UNC93A: variants seen among roughly 807,000 people sequenced by gnomAD.
UNC93A encodes the protein N-acetylglucosamine transporter UNC93A.
A neutral mutation model predicts 47.5 loss-of-function variants in UNC93A; 43 were observed. The observed-to-expected ratio is 0.91, with a 90% confidence interval of 0.71 to 1.17. UNC93A has a LOEUF of 1.17. UNC93A is among the 50% of genes most tolerant of loss of function. UNC93A has a pLI of 0.00. For synonymous variants in UNC93A, 280 were observed against 258.0 expected (o/e 1.09, Z -0.82); for missense variants, 605 against 577.6 (o/e 1.05, Z -0.49).
At chr6:167,269,641 C>G (rs1259230589), upstream of UNC93A, among the ~76,000 whole-genome samples, 1 of 152,114 alleles carries the variant, frequency 6.6e-6, no homozygotes, top group Non-Finnish European at 1.5e-5. Context: ...GAGTCTTGCT[C>G]TGTCGCCCAG....
intron 1 of UNC93A, among the ~76,000 whole-genome samples, chr6:167,274,503 C>T (rs1783505845): frequency 6.6e-6 from 1 of 152,176 alleles, no homozygotes; most frequent in Non-Finnish European, 1.5e-5. Flanking sequence ...CAAATTTCTG[C>T]TTCTCACACT....
chr6:167,292,675 C>A (rs1012866959), intron 1 of UNC93A, among the ~76,000 whole-genome samples: 1 of 152,148 alleles, frequency 6.6e-6, no homozygotes, highest in Non-Finnish European at 1.5e-5. Context: ...CTTTTGGAGT[C>A]CCTGCTTTGC....
Position 167,303,938 on chromosome 6 carries a change from C to A in UNC93A, c.645C>A (p.Val215=). Residue 215 remains valine (V), a synonymous_variant, in exon 5 of 8, where the codon GTC becomes GTA. Transcript: ENST00000230256. ...GIYTGSGVLA[V]LMIAAFLQPI... ...TTTCAGGGAGTGGTGTCCTGGCTGT[C>A]CTGATGATAGCTGCGTTCCTCCAAC... is the stretch of plus-strand genomic sequence containing the variant. The A allele has an allele frequency of 6.2e-7, 1 of 1,613,682 alleles. No homozygotes were observed. The highest frequency in any genetic ancestry group is 1.1e-5 in the South Asian group (1 of 91,024).
Position 167,315,383 on chromosome 6 carries a change from C to T in UNC93A, c.1305C>T (p.Asn435=), listed in dbSNP as rs138727128. The part of the protein sequence containing the change: ...YGLVECVESK[N]PIRPHAPGQV... ...TTGTGGAGTGCGTGGAGTCCAAGAA[C>T]CCGATCAGACCCCACGCTCCAGGAC... is the stretch of plus-strand genomic sequence containing the variant. Residue 435 remains asparagine (N), a synonymous_variant, in exon 8 of 8, where the codon AAC becomes AAT. Transcript: ENST00000230256. The T allele has an allele frequency of 1.9e-6, 3 of 1,613,894 alleles. No individual in the cohort carries two copies. Among genetic ancestry groups the T allele is most frequent in the East Asian group, 4.5e-5 (2 of 44,870 alleles).
upstream of UNC93A, among the ~76,000 whole-genome samples, chr6:167,270,461 G>T (rs1276447725): frequency 2.6e-5 from 4 of 152,098 alleles, no homozygotes; most frequent in Non-Finnish European, 5.9e-5. Context: ...AGGGAGCAGG[G>T]CCCCATCACG....
At chr6:167,275,868 A>G (rs1783530707) in intron 1 of UNC93A, among the ~76,000 whole-genome samples, 1 of 152,168 alleles carries the variant, frequency 6.6e-6, no homozygotes, top group East Asian at 1.9e-4. Flanking sequence ...TGCAATGAGA[A>G]TGGATGCTGT....
At chr6:167,309,173 C>A in intron 7 of UNC93A, among the ~76,000 whole-genome samples, 1 of 152,170 alleles carries the variant, frequency 6.6e-6, no homozygotes, top group East Asian at 1.9e-4. Context: ...TCATAGTTAG[C>A]CGAGATCGCA....
At chr6:167,270,996 G>A (rs532258801), upstream of UNC93A, among the ~76,000 whole-genome samples, 24 of 152,360 alleles carry the variant, frequency 1.6e-4, no homozygotes, top group East Asian at 5.8e-4. Context: ...GGGCTGCCAC[G>A]TGGGCGGAGG....
Position 167,307,776 on chromosome 6 carries a change from C to T in UNC93A, c.977-3C>T, listed in dbSNP as rs375640867. 1.0e-4 allele frequency: 163 copies of T among 1,592,022 alleles called. 2 individuals carry two copies. In the African/African-American group the frequency reaches 1.4e-3, roughly 14 times the overall value. On this transcript the variant is annotated splice_polypyrimidine_tract_variant and splice_region_variant and intron_variant, in intron 6 of 7. Transcript: ENST00000230256. ...CCTGGCGGTTTCCCCTCTGCACCCC[C>T]AGGCGCGGTGACCCACGTGTCCTGC...
intron 3 of UNC93A, among the ~76,000 whole-genome samples, chr6:167,296,477 C>T (rs567855633): frequency 3.2e-4 from 49 of 152,308 alleles, no homozygotes; most frequent in African/African-American, 1.1e-3. Context: ...AGAAGATCTG[C>T]GTCTTCCACA....
chr6:167,275,833 C>T (rs550806101), intron 1 of UNC93A, among the ~76,000 whole-genome samples: 1 of 152,346 alleles, frequency 6.6e-6, no homozygotes, highest in East Asian at 1.9e-4. Context: ...TGGACCTGAG[C>T]TAATCTCTCT....
chr6:167,281,702 C>G (rs955457577), intron 1 of UNC93A, among the ~76,000 whole-genome samples: 1 of 152,108 alleles, frequency 6.6e-6, no homozygotes, highest in Non-Finnish European at 1.5e-5. Flanking sequence ...GGGCTTTTGG[C>G]CTCATGGAGT....
chr6:167,270,921 C>G (rs1783441366), upstream of UNC93A, among the ~76,000 whole-genome samples: 1 of 152,132 alleles, frequency 6.6e-6, no homozygotes, highest in South Asian at 2.1e-4. Flanking sequence ...GTGGCGACCT[C>G]AAGAAACTAA....
At chr6:167,281,934 T>C (rs2115086328) in intron 1 of UNC93A, among the ~76,000 whole-genome samples, 2 of 152,334 alleles carry the variant, frequency 1.3e-5, no homozygotes, top group Middle Eastern at 6.8e-3. Context: ...CTCCAAGTCA[T>C]GGTGACATGT....
At chr6:167,271,797 C>T (rs1783455406) in intron 1 of UNC93A, among the ~76,000 whole-genome samples, 1 of 152,146 alleles carries the variant, frequency 6.6e-6, no homozygotes, top group African/African-American at 2.4e-5. Flanking sequence ...AGAACTTGGG[C>T]TGATAGAGCT....
chr6:167,309,746 C>T (rs1306535164), intron 7 of UNC93A, among the ~76,000 whole-genome samples: 4 of 152,168 alleles, frequency 2.6e-5, no homozygotes, highest in African/African-American at 4.8e-5. Context: ...TGGTGGGTTG[C>T]GTATCCACAG....
chr6:167,315,253 C>T lies in UNC93A; in HGVS notation c.1175C>T (p.Ala392Val), dbSNP rs146482775. The stretch of plus-strand genomic sequence containing the variant: ...TTCGCCAATTACCGCCTGTGGGAGG[C>T]CCTGGGCTTCGTCATTGCCTTCGGG... ...AAFANYRLWE[A>V]LGFVIAFGYS... Residue 392 changes from alanine (A) to valine (V), a missense_variant, in exon 8 of 8, where the codon GCC becomes GTC. Transcript: ENST00000230256. 1.4e-4 allele frequency: 221 copies of T among 1,613,800 alleles called. No homozygotes were observed. The highest frequency in any genetic ancestry group is 3.3e-4 in the African/African-American group (25 of 74,984).
At chr6:167,274,160 A>G (rs1385139832) in intron 1 of UNC93A, among the ~76,000 whole-genome samples, 2 of 152,170 alleles carry the variant, frequency 1.3e-5, no homozygotes, top group Non-Finnish European at 2.9e-5. Context: ...TAAGGTTGGA[A>G]AGAGCCGAGT....
At chr6:167,295,771 G>C (rs574152431) in intron 2 of UNC93A, among the ~76,000 whole-genome samples, 28 of 152,042 alleles carry the variant, frequency 1.8e-4, no homozygotes, top group African/African-American at 6.5e-4. Context: ...CTTGTTGTTT[G>C]CAATCGCATC....
Sources: allele counts gnomAD v4.1 joint callset (sites outside exome capture counted in the v4.1 genomes callset), GRCh38; gene constraint gnomAD v4.1.1; transcripts MANE v1.5; gene names NCBI Gene and HGNC (gene_info 2026-07-23, HGNC 2026-07-21).